Variants in CEL observed in about 807,000 individuals in gnomAD.
CEL encodes carboxyl ester lipase, also known as bile salt-activated lipase.
Under a neutral mutation model 57.1 loss-of-function variants are expected in CEL, and 39 were observed. That is an observed-to-expected ratio of 0.68 (90% CI 0.53 to 0.89). The LOEUF is 0.89. Ranked by LOEUF, CEL falls within the 40% of genes least tolerant of loss-of-function variation. CEL has a pLI of 0.00. For synonymous variants in CEL, 314 were observed against 396.6 expected, an observed-to-expected ratio of 0.79 and a Z score of 2.48; for missense variants, 698 against 915.0, an observed-to-expected ratio of 0.76 and a Z score of 3.06.
At position 133,066,599 on chromosome 9, in the gene CEL, G is replaced by A; in HGVS notation, c.608G>A (p.Gly203Glu). 6.2e-7 allele frequency: 1 copy of A among 1,614,008 alleles called. No individual in the cohort carries two copies. Among genetic ancestry groups the A allele is most frequent in the Non-Finnish European group, 8.5e-7 (1 of 1,180,034 alleles). The change falls in exon 5 of 11, where the codon GGG (glycine) becomes GAG (glutamate). Residue 203 changes from glycine to glutamate, a missense_variant. This residue lies in a region of CEL where 327 missense variants were observed against 374.1 expected (regional missense o/e 0.87). Transcript: ENST00000372080. This position sits in a 1 kb window ranked among gnomAD's most constrained non-coding sequence, Gnocchi z 4.3. ...AAGAGGAATATCGCGGCCTTCGGGG[G>A]GGACCCCAACAACATCACGCTCTTC... ...WVKRNIAAFG[G>E]DPNNITLFGE...
intron 10 of CEL, 152 bp from the exon 11 acceptor site, chr9:133,070,835 G>A: frequency 8.2e-7 from 1 of 1,224,802 alleles, no homozygotes; most frequent in Non-Finnish European, 1.2e-6. Context: ...CCAAGCCCAT[G>A]CACGTGCACA....
chr9:133,067,206 G>A lies in CEL; in HGVS notation c.895+1G>A, dbSNP rs767378268. 3.1e-6 allele frequency: 5 copies of A among 1,613,346 alleles called. No homozygotes were observed. The East Asian group carries it at 1.1e-4, about 36-fold the overall frequency. On this transcript the variant is annotated splice_donor_variant, in intron 7 of 10. Transcript: ENST00000372080. LOFTEE classifies it high-confidence loss of function. The stretch of plus-strand genomic sequence containing the variant: ...AAGGTGCCGCTGGCAGGCCTGGAGT[G>A]TGAGTAGCTGCTCGGGTTGGCCCAT...
In CEL at chr9:133,064,348, G is replaced by A. The variant is rs924329014; in HGVS notation, c.67-56G>A. ...GGAGTCGGCTTGCCTTGCCCCCTCC[G>A]GATTCAGGCCGATGGGGCTTGAGCC... On this transcript the variant is annotated intron_variant, in intron 1 of 10. Transcript: ENST00000372080. 2.2e-5 allele frequency: 35 copies of A among 1,608,230 alleles called. 2 individuals carry two copies. In the Middle Eastern group the frequency reaches 5.6e-4, roughly 26 times the overall value.
At chr9:133,065,375 A>G (rs1167332542) in intron 4 of CEL, 138 bp downstream of exon 4, 4 of 985,264 alleles carry the variant, frequency 4.1e-6, no homozygotes, top group African/African-American at 1.6e-5. Context: ...GAATCATGAG[A>G]TGCAGGAGGC....
At chr9:133,067,749 AC>A (rs2119064704) in intron 7 of CEL, among the ~76,000 whole-genome samples, 1 of 151,266 alleles carries the variant, frequency 6.6e-6, no homozygotes, top group South Asian at 2.1e-4. Flanking sequence ...CCCCTCCCCC[AC>A]CTCATGCATT....
chr9:133,064,601 G>T (rs773255241), intron 2 of CEL, 39 bp from the exon 3 acceptor site: 7 of 1,613,718 alleles, frequency 4.3e-6, no homozygotes, highest in Non-Finnish European at 5.9e-6. Flanking sequence ...GGCGGGTGAG[G>T]GCGGCTGCCT....
At position 133,071,215 on chromosome 9, in the gene CEL, GC is replaced by G; in HGVS notation, c.1719del (p.Thr574ArgfsTer130). The G allele has an allele frequency of 6.3e-7, 1 of 1,599,980 alleles. No individual in the cohort carries two copies. On this transcript the variant is annotated frameshift_variant, in exon 11 of 11. Coordinates refer to ENST00000372080, the MANE Select transcript of CEL (RefSeq NM_001807.6). LOFTEE classifies it high-confidence loss of function. ...PTGDSEATPV[P>X]PTGDSETAPV... ...CAGGGGACTCCGAGGCCACTCCCGT[GC>G]CCCCCACGGGTGACTCCGAGACCGC...
At chr9:133,062,319 C>T (rs1830104740) in intron 1 of CEL, among the ~76,000 whole-genome samples, 1 of 144,958 alleles carries the variant, frequency 6.9e-6, no homozygotes, top group Admixed American at 6.9e-5. Context: ...ATGGGCCGGG[C>T]GCAGTGGCTC....
In CEL at chr9:133,066,453, C is replaced by T. The variant is rs1369938587; in HGVS notation, c.539-77C>T. 1.4e-5 allele frequency: 22 copies of T among 1,585,790 alleles called. No homozygotes were observed. The highest frequency in any genetic ancestry group is 1.7e-5 in the Non-Finnish European group (20 of 1,158,978). ...CTCTGTTGAGGGCATTTCCACCCCA[C>T]CTATGCTGATCTCCCCTCCTGGAGG... On this transcript the variant is annotated intron_variant, in intron 4 of 10. Transcript: ENST00000372080. This position sits in a 1 kb window ranked among gnomAD's most constrained non-coding sequence, Gnocchi z 4.3.
At position 133,071,529 on chromosome 9, in the gene CEL, C is replaced by T; in HGVS notation, c.2027C>T (p.Ala676Val). 1 of 881,168 alleles carries T rather than the reference C, an allele frequency of 1.1e-6. No homozygotes were observed. The highest frequency in any genetic ancestry group is 1.7e-5 in the South Asian group (1 of 60,514). 54.6% of individuals were successfully genotyped at this position (881,168 alleles called of 1,614,324 possible). ...GAPPVPPTGD[A>V]GPPPVPPTGD... ...CCCCCCGTGCCGCCCACGGGTGACG[C>T]CGGGCCCCCCCCCGTGCCGCCCACG... Residue 676 changes from alanine to valine, a missense_variant, in exon 11 of 11, where the codon GCC (alanine) becomes GTC (valine). Transcript: ENST00000372080.
intron 1 of CEL, 148 bp from the exon 2 acceptor site, chr9:133,064,256 G>A (rs1262279223): frequency 1.0e-5 from 10 of 974,954 alleles, no homozygotes; most frequent in Middle Eastern, 6.2e-4. Flanking sequence ...TGCAGGGCAG[G>A]GGGTGCTGCC....
Position 133,067,111 on chromosome 9 carries a change from T to C in CEL, c.801T>C (p.Pro267=). The C allele has an allele frequency of 1.2e-6, 2 of 1,614,130 alleles. No individual in the cohort carries two copies. The highest frequency in any genetic ancestry group is 1.7e-6 in the Non-Finnish European group (2 of 1,180,018). ...AGGTGGCTGAGAAGGTGGGTTGCCC[T>C]GTGGGTGATGCCGCCAGGATGGCCC... ...AKKVAEKVGC[P]VGDAARMAQC... The change falls in exon 7 of 11, where the codon CCT becomes CCC. Residue 267 remains proline (P), a synonymous_variant. Coordinates refer to ENST00000372080, the MANE Select transcript of CEL (RefSeq NM_001807.6).
rs765538410 is a variant in CEL, at chr9:133,070,684, G to A, written c.1484+26G>A. 55 of 1,613,756 alleles carry A rather than the reference G, an allele frequency of 3.4e-5. 1 individual carries two copies. Among genetic ancestry groups the A allele is most frequent in the Non-Finnish European group, 4.3e-5 (51 of 1,179,938 alleles). On this transcript the variant is annotated intron_variant, in intron 10 of 10. Transcript: ENST00000372080. ...GTAAGACGTGGGTTGAGTGCAGGGC[G>A]GAGGGCCACAGCCGAGAAGGGCCTC...
intron 9 of CEL, among the ~76,000 whole-genome samples, chr9:133,069,895 AG>A (rs1435478494): frequency 2.0e-5 from 3 of 152,142 alleles, no homozygotes; most frequent in East Asian, 1.9e-4. Flanking sequence ...TGATTGACCC[AG>A]GGAGGTGGAG....
Position 133,071,671 on chromosome 9 carries a change from C to G in CEL, c.2169C>G (p.Pro723=), listed in dbSNP as rs761667943. 21 of 1,585,164 alleles carry G rather than the reference C, an allele frequency of 1.3e-5. No individual in the cohort carries two copies. Among genetic ancestry groups the G allele is most frequent in the South Asian group, 4.4e-5 (4 of 90,380 alleles). ...CGCCCACGGGTGACTCCGGGGCCCCCCCTGTGCCCCCCACGGGTGACTCTG... is the reference window on the plus strand; with the variant it reads ...CGCCCACGGGTGACTCCGGGGCCCCGCCTGTGCCCCCCACGGGTGACTCTG... ...PVPPTGDSGA[P]PVPPTGDSEA... The change falls in exon 11 of 11, where the codon CCC becomes CCG. Residue 723 remains proline, a synonymous_variant. Transcript: ENST00000372080.
chr9:133,065,317 C>G, intron 4 of CEL, 80 bp downstream of exon 4: 1 of 1,493,624 alleles, frequency 6.7e-7, no homozygotes, highest in Non-Finnish European at 9.2e-7. Context: ...GCACCCCTCA[C>G]CCCAAACAAC....
At chr9:133,065,578 G>A (rs974783514) in intron 4 of CEL, among the ~76,000 whole-genome samples, 7 of 152,182 alleles carry the variant, frequency 4.6e-5, no homozygotes, top group Non-Finnish European at 7.4e-5. Context: ...TGGGCGCGGC[G>A]GCTCACCCCT....
intron 8 of CEL, 81 bp from the exon 9 acceptor site, chr9:133,068,975 A>G: frequency 1.3e-6 from 2 of 1,562,122 alleles, no homozygotes; most frequent in Admixed American, 1.7e-5. Flanking sequence ...GGAGTGAGGA[A>G]GTTAGCACCG....
chr9:133,066,581 A>G lies in CEL; in HGVS notation c.590A>G (p.Asn197Ser). The G allele has an allele frequency of 1.2e-6, 2 of 1,613,894 alleles. No homozygotes were observed. Among genetic ancestry groups the G allele is most frequent in the Non-Finnish European group, 1.7e-6 (2 of 1,179,974 alleles). Reference sequence around the variant, plus strand: ...ATGGCCATTGCTTGGGTGAAGAGGAATATCGCGGCCTTCGGGGGGGACCCC... The same window carrying G: ...ATGGCCATTGCTTGGGTGAAGAGGAGTATCGCGGCCTTCGGGGGGGACCCC... Reference protein sequence around the residue: ...QHMAIAWVKRNIAAFGGDPNN... With the variant: ...QHMAIAWVKRSIAAFGGDPNN... The change falls in exon 5 of 11, where the codon AAT (asparagine) becomes AGT (serine). Residue 197 changes from asparagine to serine, a missense_variant. Physicochemically the swap from Asn to Ser is conservative, Grantham distance 46. Coordinates refer to ENST00000372080, the MANE Select transcript of CEL (RefSeq NM_001807.6). This position sits in a 1 kb window ranked among gnomAD's most constrained non-coding sequence, Gnocchi z 4.3.
Sources: gnomAD v4.1 joint callset for allele counts (sites outside exome capture counted in the v4.1 genomes callset) on GRCh38, gnomAD v4.1.1 for gene constraint, gnomAD v4.1.1 regional missense constraint, Gnocchi (gnomAD v3.1) non-coding constraint, MANE v1.5 for transcripts, NCBI Gene and HGNC (gene_info 2026-07-23, HGNC 2026-07-21) for gene names.